Variants in EEA1 observed in about 807,000 individuals in gnomAD.
EEA1 encodes the protein early endosome antigen 1, 162kD.
In EEA1, 111 loss-of-function variants were observed where a neutral mutation model predicts 209.2. The observed-to-expected ratio is 0.53, with a 90% CI of 0.45 to 0.62. The LOEUF is 0.62. EEA1 is among the 20% of genes least tolerant of loss of function. The pLI, the probability that EEA1 is intolerant of heterozygous loss-of-function variation, is 0.00. For synonymous variants in EEA1, 536 were observed against 540.6 expected (o/e 0.99, Z 0.12); for missense variants, 1,343 against 1,530.8 (o/e 0.88, Z 2.05).
At chr12:92,882,420 T>C (rs535712464) in intron 2 of EEA1, among the ~76,000 whole-genome samples, 22 of 152,092 alleles carry the variant, frequency 1.4e-4, no homozygotes, top group East Asian at 5.8e-4. Context: ...TTTTTTTTTT[T>C]TCCACTTTTA....
chr12:92,902,465 G>A (rs1050694587), intron 1 of EEA1, among the ~76,000 whole-genome samples: 3 of 152,124 alleles, frequency 2.0e-5, no homozygotes, highest in African/African-American at 4.8e-5. Flanking sequence ...AAATCCGGCC[G>A]GGTGCGATGG....
intron 2 of EEA1, among the ~76,000 whole-genome samples, chr12:92,877,251 T>A (rs181755892): frequency 6.6e-6 from 1 of 151,952 alleles, no homozygotes; most frequent in East Asian, 1.9e-4. Context: ...TGCTGAGATT[T>A]CAGGCATGAG....
chr12:92,801,506 G>T, intron 20 of EEA1, 94 bp downstream of exon 20: 2 of 746,358 alleles, frequency 2.7e-6, no homozygotes, highest in Non-Finnish European at 4.0e-6. Context: ...CTGTGGAAAT[G>T]CCCCCAAGAA....
intron 1 of EEA1, among the ~76,000 whole-genome samples, chr12:92,913,178 CT>C (rs1880639984): frequency 6.6e-6 from 1 of 152,198 alleles, no homozygotes; most frequent in African/African-American, 2.4e-5. Context: ...TGGGCATTCC[CT>C]TTTCTCCACA....
At chr12:92,785,364 A>G (rs1419201616) in intron 22 of EEA1, among the ~76,000 whole-genome samples, 1 of 152,200 alleles carries the variant, frequency 6.6e-6, no homozygotes, top group African/African-American at 2.4e-5. Context: ...CATGCTCTAC[A>G]CTGTCAACCC....
In EEA1 at chr12:92,817,194, T is replaced by C. The variant is rs565745940; in HGVS notation, c.1729-794A>G. Among the ~76,000 whole-genome samples, 17 of 151,490 alleles carry C rather than the reference T, an allele frequency of 1.1e-4. No individual in the cohort carries two copies. In the South Asian group the frequency reaches 3.5e-3, roughly 31 times the overall value. On this transcript the variant is annotated intron_variant, in intron 14 of 28. Transcript: ENST00000322349. ...TGGGTCACTAAGGTACTGTGTTTTT[T>C]TCCCCATCCTTTTTTCCCTCTGTAC... is the stretch of plus-strand genomic sequence containing the variant.
At chr12:92,862,947 C>T (rs1878216331) in intron 3 of EEA1, among the ~76,000 whole-genome samples, 1 of 152,070 alleles carries the variant, frequency 6.6e-6, no homozygotes. Context: ...TTCAAAATGT[C>T]AATGATGAGG....
At chr12:92,914,976 T>A (rs952317306) in intron 1 of EEA1, among the ~76,000 whole-genome samples, 2 of 152,120 alleles carry the variant, frequency 1.3e-5, no homozygotes, top group Non-Finnish European at 1.5e-5. Flanking sequence ...GCTTTGTAAA[T>A]TTACTTAACT....
intron 5 of EEA1, among the ~76,000 whole-genome samples, chr12:92,856,327 G>C (rs2136713768): frequency 6.6e-6 from 1 of 152,054 alleles, no homozygotes; most frequent in South Asian, 2.1e-4. Flanking sequence ...CATTTACTTA[G>C]AAAATACACT....
At chr12:92,884,177 A>ATGACTCACT in intron 2 of EEA1, 1 of 1,360,192 alleles carries the variant, frequency 7.4e-7, no homozygotes, top group South Asian at 1.2e-5. Flanking sequence ...GACTCAAATC[A>ATGACTCACT]TGACTCACTG....
chr12:92,802,112 G>C (rs568205080), intron 19 of EEA1, among the ~76,000 whole-genome samples: 1 of 152,130 alleles, frequency 6.6e-6, no homozygotes, highest in East Asian at 1.9e-4. Flanking sequence ...TGTACAGATA[G>C]AAAATGTTTT....
chr12:92,801,873 A>C (rs919636969), intron 19 of EEA1, among the ~76,000 whole-genome samples, 172 bp from the exon 20 acceptor site: 1 of 152,010 alleles, frequency 6.6e-6, no homozygotes, highest in African/African-American at 2.4e-5. Context: ...TTACAGAAGT[A>C]ATGGAGGAGG....
intron 3 of EEA1, among the ~76,000 whole-genome samples, chr12:92,861,925 A>G (rs1878171456): frequency 6.6e-6 from 1 of 152,224 alleles, no homozygotes; most frequent in Non-Finnish European, 1.5e-5. Flanking sequence ...TGAATTTTGT[A>G]CTATGTACAT....
Position 92,826,196 on chromosome 12 carries a change from T to G in EEA1, c.1494A>C (p.Gln498His), listed in dbSNP as rs769811530. Residue 498 changes from glutamine to histidine, a missense_variant, in exon 13 of 29, where the codon CAA (glutamine) becomes CAC (histidine). Transcript: ENST00000322349. Reference protein sequence around the residue: ...QQHQEQQALQQSTTAKLREAQ... With the variant: ...QQHQEQQALQHSTTAKLREAQ... ...CTTCTCGAAGTTTTGCCGTGGTGCT[T>G]TGCTGAAGAGCCTGTTGTTCTTGAT... 1 of 1,613,692 alleles carries G rather than the reference T, an allele frequency of 6.2e-7. No individual in the cohort carries two copies. The highest frequency in any genetic ancestry group is 8.5e-7 in the Non-Finnish European group (1 of 1,179,722).
chr12:92,857,960 T>C (rs2136715712), intron 3 of EEA1: 1 of 248,364 alleles, frequency 4.0e-6, no homozygotes, highest in South Asian at 6.8e-5. Flanking sequence ...GCACCACCAT[T>C]GGTTACGCCC....
chr12:92,853,558 T>C lies in EEA1; in HGVS notation c.406+357A>G, dbSNP rs3816998. On this transcript the variant is annotated intron_variant, in intron 6 of 28. Transcript: ENST00000322349. Reference sequence around the variant, plus strand: ...GGAAATGGTTAAGATCTCAAGGCCTTTTAATTCATTAAAGTATGCAGTCAA... The same window carrying C: ...GGAAATGGTTAAGATCTCAAGGCCTCTTAATTCATTAAAGTATGCAGTCAA... Among the ~76,000 whole-genome samples, 54 of 152,290 alleles carry C rather than the reference T, an allele frequency of 3.5e-4. No homozygotes were observed. In the East Asian group the frequency reaches 0.01, roughly 28 times the overall value.
chr12:92,794,276 T>C (rs2136660548), intron 21 of EEA1, among the ~76,000 whole-genome samples: 2 of 152,328 alleles, frequency 1.3e-5, no homozygotes, highest in South Asian at 4.1e-4. Context: ...TTTTACACTG[T>C]TGGTGGGAGT....
At chr12:92,811,215 G>T in intron 17 of EEA1, 64 bp downstream of exon 17, 1 of 1,133,644 alleles carries the variant, frequency 8.8e-7, no homozygotes. Flanking sequence ...TTCCATGTAG[G>T]TCATGAGATT....
chr12:92,872,885 G>A (rs1456639935), intron 2 of EEA1, among the ~76,000 whole-genome samples: 2 of 152,066 alleles, frequency 1.3e-5, no homozygotes, highest in Non-Finnish European at 2.9e-5. Flanking sequence ...CCCGGGAGGG[G>A]GGAGGTTGCA....
Sources: allele counts gnomAD v4.1 joint callset (sites outside exome capture counted in the v4.1 genomes callset), GRCh38; gene constraint gnomAD v4.1.1; transcripts MANE v1.5; gene names NCBI Gene and HGNC (gene_info 2026-07-23, HGNC 2026-07-21).